SIL1: variants seen among roughly 807,000 people sequenced by gnomAD.
The protein encoded by SIL1 is nucleotide exchange factor SIL1.
In SIL1, 40 loss-of-function variants were observed where a neutral mutation model predicts 49.1. The observed-to-expected ratio is 0.81, with a 90% confidence interval of 0.63 to 1.06. The LOEUF is 1.06. Among genes scored for constraint, SIL1 ranks in the 50% least tolerant of loss-of-function variants. SIL1 has a pLI of 0.00. For missense variants in SIL1, 500 were observed against 572.6 expected, an observed-to-expected ratio of 0.87 and a Z score of 1.29; for synonymous variants, 253 against 250.8, an observed-to-expected ratio of 1.01 and a Z score of -0.08.
At chr5:139,076,948 C>T (rs947899612) in intron 3 of SIL1, among the ~76,000 whole-genome samples, 7 of 152,190 alleles carry the variant, frequency 4.6e-5, no homozygotes, top group Non-Finnish European at 4.4e-5. Context: ...TCCTGGCCAA[C>T]ATGGTAAAAC....
intron 3 of SIL1, among the ~76,000 whole-genome samples, chr5:139,067,853 C>G (rs2150470350): frequency 6.6e-6 from 1 of 152,306 alleles, no homozygotes; most frequent in African/African-American, 2.4e-5. Flanking sequence ...AGGAATTTAT[C>G]TAATAGAAAT....
At chr5:139,022,958 C>G (rs1768561663) in intron 6 of SIL1, among the ~76,000 whole-genome samples, 3 of 152,134 alleles carry the variant, frequency 2.0e-5, no homozygotes, top group African/African-American at 7.2e-5. Flanking sequence ...CCTGTCATAC[C>G]ACGCCTGGAA....
intron 1 of SIL1, among the ~76,000 whole-genome samples, chr5:139,169,239 C>G (rs1049280659): frequency 1.3e-5 from 2 of 152,086 alleles, no homozygotes; most frequent in African/African-American, 4.8e-5. Context: ...AGTGCAGGCT[C>G]AAAAGAGACC....
Position 139,143,306 on chromosome 5 carries a change from T to TACACACACACAC in SIL1, c.-10-15465_-10-15454dup, listed in dbSNP as rs752710937. 6.5e-5 allele frequency among the ~76,000 whole-genome samples: 8 copies of TACACACACACAC among 123,728 alleles called. No individual in the cohort carries two copies. In the South Asian group the frequency reaches 2.0e-3, roughly 31 times the overall value. The allele number at this position is 123,728 out of a possible 152,430, so 81.2% of individuals were successfully genotyped here. On this transcript the variant is annotated intron_variant, in intron 1 of 9. Coordinates refer to ENST00000394817, the MANE Select transcript of SIL1 (RefSeq NM_022464.5). ...ATATACACATGTGTATATACATATA[T>TACACACACACAC]ACACACACACACACACACACACACA...
At chr5:139,134,987 CCT>C (rs1750943325) in intron 1 of SIL1, among the ~76,000 whole-genome samples, 2 of 152,056 alleles carry the variant, frequency 1.3e-5, no homozygotes, top group Non-Finnish European at 1.5e-5. Flanking sequence ...AAAGGACGCC[CCT>C]GACAAGGGAG....
At chr5:139,193,449 T>A (rs192960802) in intron 1 of SIL1, among the ~76,000 whole-genome samples, 1 of 151,748 alleles carries the variant, frequency 6.6e-6, no homozygotes, top group Non-Finnish European at 1.5e-5. Flanking sequence ...GCGCCTATAA[T>A]CCCAGTTACT....
At chr5:139,131,668 T>A (rs954714863) in intron 1 of SIL1, 3 of 152,224 alleles carry the variant, frequency 2.0e-5, no homozygotes, top group Non-Finnish European at 4.4e-5. Context: ...GCAACCTGGC[T>A]CCCTGGGGCA....
chr5:139,168,896 A>C (rs1040535982), intron 1 of SIL1, among the ~76,000 whole-genome samples: 29 of 151,300 alleles, frequency 1.9e-4, no homozygotes, highest in African/African-American at 7.1e-4. Context: ...CAGGAAGTTA[A>C]GGCTGTAGTG....
chr5:139,191,162 G>T (rs1561896376), intron 1 of SIL1, among the ~76,000 whole-genome samples: 1 of 146,532 alleles, frequency 6.8e-6, no homozygotes, highest in Non-Finnish European at 1.5e-5. Context: ...AACCTGGGAG[G>T]CAGAGGTTGC....
intron 1 of SIL1, among the ~76,000 whole-genome samples, chr5:139,176,355 C>T (rs1751882303): frequency 6.6e-6 from 1 of 152,152 alleles, no homozygotes; most frequent in Non-Finnish European, 1.5e-5. Context: ...TCGGAATTAC[C>T]CTTAAGGCTC....
intron 2 of SIL1, among the ~76,000 whole-genome samples, chr5:139,127,232 A>G (rs1319681280): frequency 6.6e-6 from 1 of 152,188 alleles, no homozygotes; most frequent in Non-Finnish European, 1.5e-5. Flanking sequence ...GGGAGAGAGG[A>G]GTAGAGGAAG....
At chr5:139,165,041 GT>G (rs1332809840) in intron 1 of SIL1, among the ~76,000 whole-genome samples, 1 of 152,110 alleles carries the variant, frequency 6.6e-6, no homozygotes, top group African/African-American at 2.4e-5. Flanking sequence ...CTACCCCCTT[GT>G]TTTCCTTTCT....
At chr5:139,130,666 A>G (rs1750846039) in intron 1 of SIL1, among the ~76,000 whole-genome samples, 1 of 152,200 alleles carries the variant, frequency 6.6e-6, no homozygotes, top group African/African-American at 2.4e-5. Flanking sequence ...ACTCAAACAG[A>G]TATATGTACA....
chr5:139,195,227 C>G (rs1752244175), intron 1 of SIL1, among the ~76,000 whole-genome samples: 2 of 152,096 alleles, frequency 1.3e-5, no homozygotes, highest in Non-Finnish European at 2.9e-5. Context: ...CCACCGCACC[C>G]GGCCAGAGAC....
intron 1 of SIL1, among the ~76,000 whole-genome samples, chr5:139,146,308 A>T (rs1207638260): frequency 6.6e-6 from 1 of 152,114 alleles, no homozygotes; most frequent in Non-Finnish European, 1.5e-5. Context: ...TATAATCCCA[A>T]CACTTTAGGA....
intron 1 of SIL1, among the ~76,000 whole-genome samples, chr5:139,163,484 C>A (rs1278570867): frequency 2.0e-5 from 3 of 152,014 alleles, no homozygotes; most frequent in African/African-American, 7.2e-5. Flanking sequence ...ATTCTCCTGC[C>A]TCCGCCTCCT....
At chr5:139,094,651 T>G (rs140232688) in intron 3 of SIL1, among the ~76,000 whole-genome samples, 1 of 152,330 alleles carries the variant, frequency 6.6e-6, no homozygotes, top group East Asian at 1.9e-4. Flanking sequence ...CTGTACAACA[T>G]TTACTCAGTT....
At chr5:139,068,854 A>C (rs917706294) in intron 3 of SIL1, among the ~76,000 whole-genome samples, 1 of 152,200 alleles carries the variant, frequency 6.6e-6, no homozygotes, top group Non-Finnish European at 1.5e-5. Context: ...ATACAATGAA[A>C]GTAAGCCAGA....
At chr5:139,112,204 C>T (rs906921180) in intron 3 of SIL1, among the ~76,000 whole-genome samples, 2 of 152,254 alleles carry the variant, frequency 1.3e-5, no homozygotes, top group Admixed American at 1.3e-4. Flanking sequence ...ACAACCTCCA[C>T]CTCCCAGCAG....
Sources: gnomAD v4.1 joint callset for allele counts (sites outside exome capture counted in the v4.1 genomes callset) on GRCh38, gnomAD v4.1.1 for gene constraint, MANE v1.5 for transcripts, NCBI Gene and HGNC (gene_info 2026-07-23, HGNC 2026-07-21) for gene names.